GLT8D1: variants seen among roughly 807,000 people sequenced by gnomAD.
The protein encoded by GLT8D1 is glycosyltransferase 8 domain containing 1.
GLT8D1 carries 41 observed loss-of-function variants against 46.2 expected under a neutral mutation model. The ratio of observed to expected loss-of-function variants is 0.89; its 90% confidence interval spans 0.69 to 1.15. GLT8D1 has a LOEUF of 1.15. GLT8D1 is among the 50% of genes most tolerant of loss of function. The pLI, the probability that GLT8D1 is intolerant of heterozygous loss-of-function variation, is 0.00. For missense variants in GLT8D1, 408 were observed against 449.3 expected (o/e 0.91, Z 0.83); for synonymous variants, 150 against 154.2 (o/e 0.97, Z 0.20).
Position 52,697,705 on chromosome 3 carries a change from CAT to C in GLT8D1, c.329+14_329+15del. 6.4e-7 allele frequency: 1 copy of C among 1,551,148 alleles called. No homozygotes were observed. Among genetic ancestry groups the C allele is most frequent in the Non-Finnish European group, 8.9e-7 (1 of 1,122,728 alleles). On this transcript the variant is annotated intron_variant, in intron 4 of 9. Transcript: ENST00000266014. Reference sequence around the variant, plus strand: ...AAATCATCCTCTAGAAGCAGAATCACATAAGCAGAGCTCACCGGAGATGGTCT... The same window carrying C: ...AAATCATCCTCTAGAAGCAGAATCACAAGCAGAGCTCACCGGAGATGGTCT...
chr3:52,694,573 C>G lies in GLT8D1; in HGVS notation c.*272G>C, dbSNP rs1169003027. The G allele has an allele frequency of 1.0e-5, 6 of 591,834 alleles. No individual in the cohort carries two copies. The East Asian group carries it at 1.7e-4, about 17-fold the overall frequency. 36.7% of individuals were successfully genotyped at this position (591,834 alleles called of 1,614,324 possible). A position where few individuals can be genotyped will look rare whatever the true frequency, so the allele number is the denominator to read the frequency against. ...AGCAGTTTTGAATTATCTGTACCAG[C>G]TAGCTGAACTAGCCATATCAGTTCT... On this transcript the variant is annotated 3_prime_UTR_variant, in exon 10 of 10. Transcript: ENST00000266014.
At chr3:52,697,546 T>A in intron 4 of GLT8D1, 175 bp downstream of exon 4, 1 of 603,910 alleles carries the variant, frequency 1.7e-6, no homozygotes, top group Non-Finnish European at 3.0e-6. Context: ...TCTCCTATTA[T>A]GGGGATATGC....
At chr3:52,697,022 G>A (rs2097334430) in intron 4 of GLT8D1, among the ~76,000 whole-genome samples, 1 of 92,186 alleles carries the variant, frequency 1.1e-5, no homozygotes, top group Non-Finnish European at 2.3e-5. Context: ...TTTTTTCTAG[G>A]TCAGTTTCAA....
chr3:52,699,556 G>GT (rs1357565164), intron 3 of GLT8D1, among the ~76,000 whole-genome samples: 1 of 152,044 alleles, frequency 6.6e-6, no homozygotes, highest in Non-Finnish European at 1.5e-5. Context: ...GTGCTGAGAT[G>GT]GTCTCGATCT....
Position 52,696,652 on chromosome 3 carries a change from G to C in GLT8D1, c.337C>G (p.Leu113Val). Reference sequence around the variant, plus strand: ...ATGCTTTTCAGGGAATCACTGTTGAGCCAGGACCTGATGAAGATAAAACAC... The same window carrying C: ...ATGCTTTTCAGGGAATCACTGTTGACCCAGGACCTGATGAAGATAAAACAC... ...NNTADHLRSW[L>V]NSDSLKSIRY... Residue 113 changes from leucine (L) to valine (V), a missense_variant, in exon 5 of 10, where the codon CTC becomes GTC. Coordinates refer to ENST00000266014, the MANE Select transcript of GLT8D1 (RefSeq NM_018446.4). 1 of 1,559,708 alleles carries C rather than the reference G, an allele frequency of 6.4e-7. No homozygotes were observed. The highest frequency in any genetic ancestry group is 8.8e-7 in the Non-Finnish European group (1 of 1,130,644).
intron 1 of GLT8D1, among the ~76,000 whole-genome samples, chr3:52,701,048 G>A (rs1260443300): frequency 2.0e-5 from 3 of 152,136 alleles, no homozygotes; most frequent in Admixed American, 6.5e-5. Flanking sequence ...CTGGGCGACA[G>A]AGTGAGACTC....
At chr3:52,703,257 T>A (rs1342055960) in intron 1 of GLT8D1, 15 of 150,838 alleles carry the variant, frequency 9.9e-5, no homozygotes, top group Admixed American at 9.9e-4. Context: ...ACCCCATCTC[T>A]ACTAAAAATA....
At chr3:52,700,996 C>G (rs1281807670) in intron 1 of GLT8D1, among the ~76,000 whole-genome samples, 1 of 152,100 alleles carries the variant, frequency 6.6e-6, no homozygotes, top group Non-Finnish European at 1.5e-5. Context: ...ACCTGGGCAA[C>G]AGAGGTTGCA....
At chr3:52,701,637 G>A (rs1168586739) in intron 1 of GLT8D1, among the ~76,000 whole-genome samples, 1 of 152,222 alleles carries the variant, frequency 6.6e-6, no homozygotes, top group Non-Finnish European at 1.5e-5. Flanking sequence ...AAAGTGCTGA[G>A]ATTACAGGCG....
chr3:52,695,418 T>C lies in GLT8D1; in HGVS notation c.812+3A>G. On this transcript the variant is annotated splice_donor_region_variant and intron_variant, in intron 8 of 9. Coordinates refer to ENST00000266014, the MANE Select transcript of GLT8D1 (RefSeq NM_018446.4). ...TTCACAGCTAGGCCAGTTACATACT[T>C]ACTCTACATTGAGTTTCATCCATTT... is the stretch of plus-strand genomic sequence containing the variant. 1 of 1,612,658 alleles carries C rather than the reference T, an allele frequency of 6.2e-7. No homozygotes were observed. The highest frequency in any genetic ancestry group is 8.5e-7 in the Non-Finnish European group (1 of 1,178,894).
intron 1 of GLT8D1, among the ~76,000 whole-genome samples, chr3:52,701,549 A>G (rs2097339410): frequency 2.0e-5 from 3 of 151,896 alleles, no homozygotes; most frequent in Non-Finnish European, 2.9e-5. Flanking sequence ...TTGTATTTTT[A>G]GTAGAGATGG....
chr3:52,696,233 C>A lies in GLT8D1; in HGVS notation c.532+1G>T. On this transcript the variant is annotated splice_donor_variant, in intron 6 of 9. Transcript: ENST00000266014. LOFTEE classifies it high-confidence loss of function. ...AGCACTCATGGTGACATTTTTGATA[C>A]CTTGCACAATTACATCATCATCCAT... 6.3e-7 allele frequency: 1 copy of A among 1,593,342 alleles called. No homozygotes were observed. Among genetic ancestry groups the A allele is most frequent in the Non-Finnish European group, 8.6e-7 (1 of 1,161,024 alleles).
At chr3:52,701,280 G>T (rs540859693) in intron 1 of GLT8D1, 1 of 150,224 alleles carries the variant, frequency 6.7e-6, no homozygotes, top group Non-Finnish European at 1.5e-5. Flanking sequence ...CACAGAAAAA[G>T]CTACAAAAAT....
chr3:52,698,120 A>AT (rs1339480661), intron 3 of GLT8D1, among the ~76,000 whole-genome samples, 186 bp from the exon 4 acceptor site: 1 of 152,194 alleles, frequency 6.6e-6, no homozygotes, highest in East Asian at 1.9e-4. Context: ...TGGAGGAAGC[A>AT]TTTTTTAAAA....
intron 6 of GLT8D1, 93 bp from the exon 7 acceptor site, chr3:52,696,133 AC>A: frequency 8.6e-7 from 1 of 1,157,920 alleles, no homozygotes; most frequent in Non-Finnish European, 1.3e-6. Flanking sequence ...TTTATAGAAG[AC>A]CATAAATAAA....
chr3:52,701,259 C>A (rs1182745731), intron 1 of GLT8D1: 4 of 150,170 alleles, frequency 2.7e-5, no homozygotes, highest in Non-Finnish European at 1.5e-5. Context: ...ATTCACTTGA[C>A]AAACCCACAG....
Position 52,694,586 on chromosome 3 carries a change from C to T in GLT8D1, c.*259G>A, listed in dbSNP as rs2097330886. ...TATCTGTACCAGCTAGCTGAACTAG[C>T]CATATCAGTTCTTCTTTCCAGTCAT... On this transcript the variant is annotated 3_prime_UTR_variant, in exon 10 of 10. Transcript: ENST00000266014. 3.3e-6 allele frequency: 2 copies of T among 597,100 alleles called. No homozygotes were observed. Among genetic ancestry groups the T allele is most frequent in the African/African-American group, 3.7e-5 (2 of 53,812 alleles). 37.0% of individuals were successfully genotyped at this position (597,100 alleles called of 1,614,324 possible).
intron 1 of GLT8D1, among the ~76,000 whole-genome samples, chr3:52,702,936 G>A (rs145879044): frequency 1.1e-4 from 16 of 151,240 alleles, no homozygotes; most frequent in African/African-American, 1.9e-4. Context: ...ACAGGTGTGC[G>A]CCACCACGCC....
At chr3:52,696,121 CT>C in intron 6 of GLT8D1, 81 bp from the exon 7 acceptor site, 1 of 1,168,818 alleles carries the variant, frequency 8.6e-7, no homozygotes, top group Non-Finnish European at 1.3e-6. Context: ...CTATGGTGAC[CT>C]TTTATAGAAG....
Sources: allele counts gnomAD v4.1 joint callset (sites outside exome capture counted in the v4.1 genomes callset), GRCh38; gene constraint gnomAD v4.1.1; transcripts MANE v1.5; gene names NCBI Gene and HGNC (gene_info 2026-07-23, HGNC 2026-07-21).